The following SEZ6L variants were observed in gnomAD, a reference collection of about 807,000 sequenced individuals.
The protein encoded by SEZ6L is seizure related 6 homolog like, also known as seizure 6-like protein.
In SEZ6L, 37 loss-of-function variants were observed where a neutral mutation model predicts 106.2. That is an observed-to-expected ratio of 0.35 (90% CI 0.27 to 0.46). The LOEUF is 0.46. Among genes scored for constraint, SEZ6L ranks in the 20% least tolerant of loss-of-function variants. The probability of loss-of-function intolerance (pLI) is 1.00; values close to 1 mark genes in which losing one functional copy is unlikely to be tolerated. For missense variants in SEZ6L, 1,172 were observed against 1,332.8 expected, an observed-to-expected ratio of 0.88 and a Z score of 1.88; for synonymous variants, 541 against 570.4, an observed-to-expected ratio of 0.95 and a Z score of 0.73.
At chr22:26,177,435 C>T (rs1415472258) in intron 1 of SEZ6L, among the ~76,000 whole-genome samples, 1 of 152,182 alleles carries the variant, frequency 6.6e-6, no homozygotes, top group Non-Finnish European at 1.5e-5. Flanking sequence ...ATCTTTCTTT[C>T]CAAAGGAAAT....
chr22:26,236,156 A>G (rs2078951981), intron 1 of SEZ6L, among the ~76,000 whole-genome samples: 1 of 152,202 alleles, frequency 6.6e-6, no homozygotes, highest in Non-Finnish European at 1.5e-5. Context: ...GATGCAGGAA[A>G]GTGTTTTATC....
chr22:26,316,408 A>T (rs967459956), intron 9 of SEZ6L, among the ~76,000 whole-genome samples: 1 of 152,204 alleles, frequency 6.6e-6, no homozygotes, highest in African/African-American at 2.4e-5. Flanking sequence ...GCAGGTAAGA[A>T]AGTAAATGCA....
rs551756581 is a variant in SEZ6L at position 26,190,094 on chromosome 22, C to G, written c.94+20331C>G. Among the ~76,000 whole-genome samples the G allele has an allele frequency of 5.6e-5, 8 of 143,920 alleles. No individual in the cohort carries two copies. The South Asian group carries it at 1.8e-3, about 32-fold the overall frequency. 94.4% of individuals were successfully genotyped at this position (143,920 alleles called of 152,430 possible). A position where few individuals can be genotyped will look rare whatever the true frequency, so the allele number is the denominator to read the frequency against. Reference sequence around the variant, plus strand: ...CCTGGGCGACAGAGCAAGACTGTGTCTAAAAAAAAAAAAGAAGAAAGAAAA... The same window carrying G: ...CCTGGGCGACAGAGCAAGACTGTGTGTAAAAAAAAAAAAGAAGAAAGAAAA... On this transcript the variant is annotated intron_variant, in intron 1 of 16. Coordinates refer to ENST00000248933, the MANE Select transcript of SEZ6L (RefSeq NM_021115.5).
Position 26,381,806 on chromosome 22 carries a change from A to G in SEZ6L, c.*1511A>G. 1 of 309,570 alleles carries G rather than the reference A, an allele frequency of 3.2e-6. No individual in the cohort carries two copies. Among genetic ancestry groups the G allele is most frequent in the African/African-American group, 2.2e-5 (1 of 45,924 alleles). 19.2% of individuals were successfully genotyped at this position (309,570 alleles called of 1,614,324 possible). ...ACCGGTGACATGGTGGTGACAGTCA[A>G]TGGCTTGGACAGACAGACGGGCACA... On this transcript the variant is annotated 3_prime_UTR_variant, in exon 17 of 17. Coordinates refer to ENST00000248933, the MANE Select transcript of SEZ6L (RefSeq NM_021115.5).
In SEZ6L at chr22:26,379,327, A is replaced by C. The variant is rs909627045; in HGVS notation, c.3046-939A>C. Among the ~76,000 whole-genome samples, 12 of 149,512 alleles carry C rather than the reference A, an allele frequency of 8.0e-5. 1 individual carries two copies. The highest frequency in any genetic ancestry group is 1.5e-4 in the Non-Finnish European group (10 of 68,006). On this transcript the variant is annotated intron_variant, in intron 16 of 16. Transcript: ENST00000248933. ...GCAAACATGGAAGTGACATCCTAGCACCTGTGTATTCTCCTAGTTAGAATC... is the reference window on the plus strand; with the variant it reads ...GCAAACATGGAAGTGACATCCTAGCCCCTGTGTATTCTCCTAGTTAGAATC...
chr22:26,280,801 T>G (rs1418721127), intron 1 of SEZ6L, among the ~76,000 whole-genome samples: 1 of 152,232 alleles, frequency 6.6e-6, no homozygotes, highest in Non-Finnish European at 1.5e-5. Context: ...TTGTATGTAT[T>G]TATCACATAC....
At chr22:26,311,707 T>C (rs1383555300) in intron 7 of SEZ6L, 61 bp from the exon 8 acceptor site, 1 of 1,439,564 alleles carries the variant, frequency 6.9e-7, no homozygotes, top group African/African-American at 1.4e-5. Flanking sequence ...TCTTCTGAAA[T>C]ATAGCACCGT....
chr22:26,351,446 C>T (rs1031368372), intron 12 of SEZ6L: 5 of 494,134 alleles, frequency 1.0e-5, no homozygotes, highest in African/African-American at 9.8e-5. Flanking sequence ...ACGCGTTGCT[C>T]TAAGTCTTCT....
intron 1 of SEZ6L, among the ~76,000 whole-genome samples, chr22:26,223,057 G>A (rs1403006005): frequency 2.6e-5 from 4 of 152,104 alleles, no homozygotes; most frequent in Non-Finnish European, 5.9e-5. Flanking sequence ...TCTGTAAGAT[G>A]TGAACTTTTT....
chr22:26,259,856 A>G (rs991961001), intron 1 of SEZ6L, among the ~76,000 whole-genome samples: 2 of 152,190 alleles, frequency 1.3e-5, no homozygotes, highest in Non-Finnish European at 2.9e-5. Context: ...CTTGTGATTT[A>G]TGTGCTATTA....
At chr22:26,231,025 A>C (rs2078782528) in intron 1 of SEZ6L, among the ~76,000 whole-genome samples, 1 of 152,218 alleles carries the variant, frequency 6.6e-6, no homozygotes, top group African/African-American at 2.4e-5. Flanking sequence ...GGCTTTGCCT[A>C]GGAAAGAATT....
At chr22:26,352,182 C>G (rs1224790396) in intron 12 of SEZ6L, among the ~76,000 whole-genome samples, 1 of 124,898 alleles carries the variant, frequency 8.0e-6, no homozygotes, top group Non-Finnish European at 1.8e-5. Context: ...AAAAAGAATA[C>G]TACTTCAAGG....
intron 1 of SEZ6L, among the ~76,000 whole-genome samples, chr22:26,228,313 G>A (rs535765882): frequency 2.6e-5 from 4 of 152,324 alleles, no homozygotes; most frequent in Non-Finnish European, 4.4e-5. Flanking sequence ...GCAGGCTTGT[G>A]GCCCAAATCA....
At chr22:26,249,276 C>G (rs539480867) in intron 1 of SEZ6L, among the ~76,000 whole-genome samples, 51 of 152,300 alleles carry the variant, frequency 3.3e-4, no homozygotes, top group Non-Finnish European at 4.6e-4. Context: ...TTCCTCCGAT[C>G]TAGCTGTAAG....
intron 1 of SEZ6L, among the ~76,000 whole-genome samples, chr22:26,220,921 A>G (rs1043334161): frequency 6.7e-6 from 1 of 150,138 alleles, no homozygotes; most frequent in Non-Finnish European, 1.5e-5. Flanking sequence ...GGATGGATGG[A>G]TGGATGGGTG....
At chr22:26,206,998 G>A (rs113368973) in intron 1 of SEZ6L, among the ~76,000 whole-genome samples, 4,212 of 152,222 alleles carry the variant, frequency 0.028, 86 homozygotes, top group Middle Eastern at 0.061. Flanking sequence ...CCTCGACAAC[G>A]CTTATTTTCT....
Position 26,293,137 on chromosome 22 carries a change from C to A in SEZ6L, c.826C>A (p.Gln276Lys). The A allele has an allele frequency of 2.6e-6, 4 of 1,539,732 alleles. No homozygotes were observed. The highest frequency in any genetic ancestry group is 4.1e-5 in the Admixed American group (2 of 48,462). ...IITTTVITTE[Q>K]APALCSVSFS... The stretch of plus-strand genomic sequence containing the variant: ...CACCACCACGGTCATCACCACCGAG[C>A]AGGCACCAGGTATGCAGCCCCCAAC... The change falls in exon 2 of 17, where the codon CAG becomes AAG. Residue 276 changes from glutamine to lysine, a missense_variant. Around this residue, in one of 4 missense-constraint regions of SEZ6L, gnomAD observed 494 missense variants for 445.8 expected, o/e 1.11. Transcript: ENST00000248933.
chr22:26,324,115 C>T (rs572400532), intron 9 of SEZ6L, among the ~76,000 whole-genome samples: 2 of 150,596 alleles, frequency 1.3e-5, no homozygotes, highest in African/African-American at 4.9e-5. Context: ...CACACACACA[C>T]ACACAAACGG....
intron 9 of SEZ6L, among the ~76,000 whole-genome samples, chr22:26,319,878 C>T (rs554895044): frequency 6.6e-6 from 1 of 152,230 alleles, no homozygotes; most frequent in South Asian, 2.1e-4. Context: ...CAGGATCATA[C>T]AGACATGAGG....
Sources: gnomAD v4.1 joint callset for allele counts (sites outside exome capture counted in the v4.1 genomes callset) on GRCh38, gnomAD v4.1.1 for gene constraint, gnomAD v4.1.1 regional missense constraint, MANE v1.5 for transcripts, NCBI Gene and HGNC (gene_info 2026-07-23, HGNC 2026-07-21) for gene names.